The following BABAM2 variants were observed in gnomAD, a reference collection of about 807,000 sequenced individuals.
The protein encoded by BABAM2 is BRISC and BRCA1 A complex member 2, also known as BRISC and BRCA1-A complex member 2.
In BABAM2, 31 loss-of-function variants were observed where a neutral mutation model predicts 54.7. The observed-to-expected ratio is 0.57, with a 90% CI of 0.43 to 0.77. The LOEUF is 0.77. Among genes scored for constraint, BABAM2 ranks in the 30% least tolerant of loss-of-function variants. The pLI is 0.00. For missense variants in BABAM2, 364 were observed against 455.8 expected (o/e 0.80, Z 1.83); for synonymous variants, 167 against 162.9 (o/e 1.03, Z -0.19).
chr2:28,307,024 T>TTTTAATAA (rs1688604145), intron 11 of BABAM2, among the ~76,000 whole-genome samples: 1 of 101,422 alleles, frequency 9.9e-6, no homozygotes, highest in Non-Finnish European at 2.0e-5. Flanking sequence ...TTTTTTTTTT[T>TTTTAATAA]GAGACAGAGT....
At chr2:27,916,994 A>G (rs937212228) in intron 2 of BABAM2, among the ~76,000 whole-genome samples, 1 of 145,428 alleles carries the variant, frequency 6.9e-6, no homozygotes, top group Non-Finnish European at 1.5e-5. Context: ...TGTAACTCTT[A>G]TAGCAATAAT....
intron 5 of BABAM2, among the ~76,000 whole-genome samples, chr2:28,039,694 C>G (rs1261169203): frequency 6.6e-6 from 1 of 152,232 alleles, no homozygotes; most frequent in Non-Finnish European, 1.5e-5. Flanking sequence ...GTCTACCTGT[C>G]ACTTCTAAAA....
chr2:28,027,074 C>T lies in BABAM2; in HGVS notation c.495+1654C>T, dbSNP rs1675920417. 2.1e-5 allele frequency among the ~76,000 whole-genome samples: 3 copies of T among 145,432 alleles called. No homozygotes were observed. The South Asian group carries it at 6.4e-4, about 31-fold the overall frequency. On this transcript the variant is annotated intron_variant, in intron 5 of 11. Transcript: ENST00000379624. ...GATTCCCATCACCACCATCTTCCAT[C>T]CATCATTAATTTTGTCTGTTCATCT...
Position 28,110,086 on chromosome 2 carries a change from C to T in BABAM2, c.571-19185C>T, listed in dbSNP as rs193139232. 1.2e-4 allele frequency among the ~76,000 whole-genome samples: 18 copies of T among 152,270 alleles called. 1 individual carries two copies. In the East Asian group the frequency reaches 3.1e-3, roughly 26 times the overall value. On this transcript the variant is annotated intron_variant, in intron 6 of 11. Transcript: ENST00000379624. Reference sequence around the variant, plus strand: ...CTTTCTGTCACTGCGATTTTGACTACTCTCAAACTTCAGATAAGTGGAATT... The same window carrying T: ...CTTTCTGTCACTGCGATTTTGACTATTCTCAAACTTCAGATAAGTGGAATT...
intron 7 of BABAM2, among the ~76,000 whole-genome samples, chr2:28,200,720 C>G (rs887447004): frequency 1.3e-5 from 2 of 151,968 alleles, no homozygotes; most frequent in East Asian, 1.9e-4. Flanking sequence ...ATTAAAAGCT[C>G]TATGCTATGT....
chr2:28,056,495 T>C lies in BABAM2; in HGVS notation c.570+10696T>C, dbSNP rs1457457030. On this transcript the variant is annotated intron_variant, in intron 6 of 11. Transcript: ENST00000379624. ...AATTTTTTTTTATGATGTGCTTCTT[T>C]CTTTTTTTCAAAATTTCTATTTTAG... is the stretch of plus-strand genomic sequence containing the variant. Among the ~76,000 whole-genome samples, 3 of 152,218 alleles carry C rather than the reference T, an allele frequency of 2.0e-5. No homozygotes were observed. The East Asian group carries it at 5.8e-4, about 29-fold the overall frequency.
At chr2:27,988,884 C>T (rs751016186) in intron 4 of BABAM2, among the ~76,000 whole-genome samples, 21 of 152,050 alleles carry the variant, frequency 1.4e-4, no homozygotes, top group Non-Finnish European at 2.5e-4. Flanking sequence ...CTCTTAGTTT[C>T]GTTTCCTGGA....
chr2:28,217,088 A>G (rs2130292), intron 7 of BABAM2, among the ~76,000 whole-genome samples: 112,973 of 151,770 alleles, frequency 0.74, 43,260 homozygotes, highest in East Asian at 0.99. Context: ...ATCCATTGTC[A>G]TGCTCTTTGA....
intron 4 of BABAM2, chr2:28,016,089 C>A: frequency 1.2e-6 from 1 of 846,988 alleles, no homozygotes. Context: ...GGTTCTTTTT[C>A]TTTCTCAGTT....
chr2:28,006,349 G>A (rs896221572), intron 4 of BABAM2, among the ~76,000 whole-genome samples: 8 of 151,986 alleles, frequency 5.3e-5, no homozygotes, highest in Non-Finnish European at 1.2e-4. Flanking sequence ...TAAATTTTGT[G>A]AAATAGCTGA....
chr2:28,295,461 C>T (rs1054267423), intron 10 of BABAM2, among the ~76,000 whole-genome samples: 7 of 151,896 alleles, frequency 4.6e-5, no homozygotes, highest in African/African-American at 1.7e-4. Flanking sequence ...CAAAAGTGTA[C>T]ATAGTATAAA....
intron 7 of BABAM2, among the ~76,000 whole-genome samples, chr2:28,174,936 T>G (rs1213051863): frequency 6.6e-6 from 1 of 152,128 alleles, no homozygotes; most frequent in African/African-American, 2.4e-5. Flanking sequence ...GCACACAGTA[T>G]CCTGTATCCC....
intron 7 of BABAM2, among the ~76,000 whole-genome samples, chr2:28,183,749 A>T (rs970355111): frequency 9.4e-4 from 143 of 151,744 alleles, no homozygotes; most frequent in African/African-American, 3.3e-3. Context: ...TCACACACAC[A>T]CACACACACA....
intron 10 of BABAM2, among the ~76,000 whole-genome samples, chr2:28,269,247 C>G (rs976167870): frequency 7.2e-5 from 11 of 152,206 alleles, no homozygotes; most frequent in African/African-American, 2.7e-4. Context: ...CCAGAACACT[C>G]CTCTAGGTTG....
At chr2:28,076,486 TTAGTTAG>T (rs1558313503) in intron 6 of BABAM2, among the ~76,000 whole-genome samples, 40 of 142,076 alleles carry the variant, frequency 2.8e-4, no homozygotes, top group African/African-American at 1.0e-3. Flanking sequence ...ATTTATTTAG[TTAGTTAG>T]TTAGTTAGTT....
At chr2:28,004,630 T>A (rs1573372798) in intron 4 of BABAM2, among the ~76,000 whole-genome samples, 1 of 152,212 alleles carries the variant, frequency 6.6e-6, no homozygotes, top group East Asian at 1.9e-4. Context: ...GTTAAAAAAT[T>A]AATTTGCACA....
Position 28,259,304 on chromosome 2 carries a change from T to C in BABAM2, c.934+14442T>C, listed in dbSNP as rs140406410. On this transcript the variant is annotated intron_variant, in intron 10 of 11. Coordinates refer to ENST00000379624, the MANE Select transcript of BABAM2 (RefSeq NM_199191.3). The stretch of plus-strand genomic sequence containing the variant: ...AGTTTCACCATGTTGGCCAGGATGG[T>C]CTCCATCTCCTGACCTCATAATCCA... 4.1e-3 allele frequency among the ~76,000 whole-genome samples: 621 copies of C among 151,796 alleles called. 4 individuals are homozygous for C. The highest frequency in any genetic ancestry group is 0.014 in the African/African-American group (597 of 41,358).
intron 6 of BABAM2, among the ~76,000 whole-genome samples, chr2:28,061,118 T>C (rs1416057155): frequency 3.9e-5 from 6 of 152,082 alleles, no homozygotes; most frequent in Non-Finnish European, 8.8e-5. Flanking sequence ...GTGATGATGG[T>C]CTAGAAAAAA....
At chr2:28,291,895 T>C (rs1352219956) in intron 10 of BABAM2, among the ~76,000 whole-genome samples, 1 of 152,238 alleles carries the variant, frequency 6.6e-6, no homozygotes, top group Admixed American at 6.5e-5. Context: ...GGTTGCTCGG[T>C]AAATATATGG....
Sources: allele counts gnomAD v4.1 joint callset (sites outside exome capture counted in the v4.1 genomes callset), GRCh38; gene constraint gnomAD v4.1.1; transcripts MANE v1.5; gene names NCBI Gene and HGNC (gene_info 2026-07-23, HGNC 2026-07-21).